Variants in EXOC4 observed in about 807,000 individuals in gnomAD.
The protein encoded by EXOC4 is exocyst complex component 4, also known as SEC8-like 1.
In EXOC4, 71 loss-of-function variants were observed where a neutral mutation model predicts 107.2. That is an observed-to-expected ratio of 0.66 (90% CI 0.55 to 0.81). EXOC4 has a LOEUF of 0.81. EXOC4 is among the 30% of genes least tolerant of loss of function. The probability of loss-of-function intolerance (pLI) is 0.00; values close to 1 mark genes in which losing one functional copy is unlikely to be tolerated. For synonymous variants in EXOC4, 456 were observed against 441.2 expected, an observed-to-expected ratio of 1.03 and a Z score of -0.42; for missense variants, 1,108 against 1,189.6, an observed-to-expected ratio of 0.93 and a Z score of 1.01.
At chr7:133,555,329 G>C (rs1016109693) in intron 9 of EXOC4, among the ~76,000 whole-genome samples, 1 of 152,058 alleles carries the variant, frequency 6.6e-6, no homozygotes, top group Non-Finnish European at 1.5e-5. Context: ...ATTCTTGTTA[G>C]CTATATTTTT....
rs1343155471 is a variant in EXOC4 at position 133,532,751 on chromosome 7, ATTGAC to A, written c.1417+52616_1417+52620del. On this transcript the variant is annotated intron_variant, in intron 9 of 17. Coordinates refer to ENST00000253861, the MANE Select transcript of EXOC4 (RefSeq NM_021807.4). ...ATAAAGATGTTTGGAGGTGTCAGTA[ATTGAC>A]TTATTTAGCAGCAATAAAGCAATTC... Among the ~76,000 whole-genome samples the A allele has an allele frequency of 5.9e-5, 9 of 152,110 alleles. No homozygotes were observed. In the East Asian group the frequency reaches 1.7e-3, roughly 29 times the overall value.
chr7:133,496,055 C>G (rs1258369183), intron 9 of EXOC4, among the ~76,000 whole-genome samples: 1 of 152,002 alleles, frequency 6.6e-6, no homozygotes, highest in East Asian at 1.9e-4. Context: ...GCTACTCTTC[C>G]CCTGCCCCCA....
intron 14 of EXOC4, among the ~76,000 whole-genome samples, chr7:133,964,330 T>C (rs1801013646): frequency 6.6e-6 from 1 of 152,036 alleles, no homozygotes; most frequent in African/African-American, 2.4e-5. Flanking sequence ...GTTTTTTTTT[T>C]CTTCTTCTTT....
At chr7:133,309,677 C>T (rs1001479204) in intron 4 of EXOC4, among the ~76,000 whole-genome samples, 2 of 152,160 alleles carry the variant, frequency 1.3e-5, no homozygotes, top group Non-Finnish European at 2.9e-5. Context: ...TGGAGGCTCA[C>T]GCCTGTAATC....
Position 133,814,089 on chromosome 7 carries a change from G to C in EXOC4, c.1515-3236G>C, listed in dbSNP as rs908525805. On this transcript the variant is annotated intron_variant, in intron 10 of 17. Coordinates refer to ENST00000253861, the MANE Select transcript of EXOC4 (RefSeq NM_021807.4). ...CATTAACAGTTTTTAACAATCAAAT[G>C]ATTATTAAAAGTTATAATTCAAAAG... Among the ~76,000 whole-genome samples, 6 of 152,096 alleles carry C rather than the reference G, an allele frequency of 3.9e-5. No homozygotes were observed. The East Asian group carries it at 1.2e-3, about 29-fold the overall frequency.
chr7:133,955,219 C>T (rs1800785813), intron 14 of EXOC4, among the ~76,000 whole-genome samples: 2 of 152,198 alleles, frequency 1.3e-5, no homozygotes, highest in African/African-American at 4.8e-5. Flanking sequence ...GTTGTGTGAG[C>T]AGAGTGAAGA....
intron 9 of EXOC4, among the ~76,000 whole-genome samples, chr7:133,542,490 G>T (rs1249341279): frequency 6.6e-6 from 1 of 152,100 alleles, no homozygotes; most frequent in African/African-American, 2.4e-5. Context: ...GTTACTTTTG[G>T]CCAGTTTTTA....
intron 5 of EXOC4, among the ~76,000 whole-genome samples, chr7:133,319,859 T>G (rs924885753): frequency 3.5e-5 from 4 of 113,984 alleles, no homozygotes; most frequent in Non-Finnish European, 6.1e-5. Context: ...TTTTTTTTTT[T>G]GTGCGTGACC....
intron 9 of EXOC4, among the ~76,000 whole-genome samples, chr7:133,606,156 G>A (rs961083214): frequency 1.3e-5 from 2 of 152,074 alleles, no homozygotes; most frequent in Non-Finnish European, 1.5e-5. Flanking sequence ...TGAGAGCTGT[G>A]CATATTCCTG....
At chr7:134,085,998 G>A in the EXOC4 span, among the ~76,000 whole-genome samples, 16 of 152,284 alleles carry the variant, frequency 1.1e-4, no homozygotes, top group African/African-American at 1.7e-4. Context: ...CCAGGAAGTC[G>A]TACTGGAGCA....
chr7:133,860,944 T>C (rs1030924965), intron 11 of EXOC4, among the ~76,000 whole-genome samples: 1 of 152,216 alleles, frequency 6.6e-6, no homozygotes, highest in Non-Finnish European at 1.5e-5. Flanking sequence ...CCTCACATTC[T>C]GAGAGAATTC....
intron 10 of EXOC4, among the ~76,000 whole-genome samples, chr7:133,767,109 G>C (rs1319432854): frequency 6.6e-6 from 1 of 150,522 alleles, no homozygotes; most frequent in African/African-American, 2.4e-5. Context: ...CTCTTACCTG[G>C]TTTTTTTTTC....
intron 7 of EXOC4, among the ~76,000 whole-genome samples, chr7:133,396,952 C>T (rs191783182): frequency 1.3e-5 from 2 of 152,280 alleles, no homozygotes; most frequent in East Asian, 3.9e-4. Flanking sequence ...GGTTCATTTG[C>T]AAACCTGAAG....
At chr7:133,955,017 G>A (rs2971962) in intron 14 of EXOC4, among the ~76,000 whole-genome samples, 38,327 of 152,176 alleles carry the variant, frequency 0.25, 5,772 homozygotes, top group Non-Finnish European at 0.34. Context: ...GCCCTGGCTC[G>A]GGGAGCTCCT....
At chr7:133,854,447 C>CACAT (rs200494847) in intron 11 of EXOC4, among the ~76,000 whole-genome samples, 25 of 150,404 alleles carry the variant, frequency 1.7e-4, no homozygotes, top group African/African-American at 5.9e-4. Context: ...CACACACACA[C>CACAT]ACATACATTT....
chr7:133,656,330 A>G (rs1447062465), intron 10 of EXOC4, among the ~76,000 whole-genome samples: 1 of 152,202 alleles, frequency 6.6e-6, no homozygotes, highest in South Asian at 2.1e-4. Context: ...GAGTTTGAAT[A>G]TTGGAAGAAA....
intron 2 of EXOC4, among the ~76,000 whole-genome samples, chr7:133,286,035 A>G (rs1440922436): frequency 1.3e-5 from 2 of 152,150 alleles, no homozygotes; most frequent in Non-Finnish European, 2.9e-5. Context: ...CTAGGATTAT[A>G]GTAAGACACT....
chr7:133,624,311 A>G (rs1198055001), intron 9 of EXOC4, among the ~76,000 whole-genome samples: 1 of 152,182 alleles, frequency 6.6e-6, no homozygotes, highest in Non-Finnish European at 1.5e-5. Flanking sequence ...ATTGAAAAAT[A>G]AAGAGTAGGG....
At chr7:134,033,120 A>G (rs558302118) in intron 17 of EXOC4, among the ~76,000 whole-genome samples, 1 of 152,228 alleles carries the variant, frequency 6.6e-6, no homozygotes, top group Non-Finnish European at 1.5e-5. Context: ...GGAAAAGGAA[A>G]CCCTCAGTCT....
Sources: allele counts gnomAD v4.1 joint callset (sites outside exome capture counted in the v4.1 genomes callset), GRCh38; gene constraint gnomAD v4.1.1; transcripts MANE v1.5; gene names NCBI Gene and HGNC (gene_info 2026-07-23, HGNC 2026-07-21).